MNS1: variants seen among roughly 807,000 people sequenced by gnomAD.
The protein encoded by MNS1 is meiosis specific nuclear structural 1.
In MNS1, 63 loss-of-function variants were observed where a neutral mutation model predicts 72.0. The observed-to-expected ratio is 0.87, with a 90% confidence interval of 0.71 to 1.08. MNS1 has a LOEUF of 1.08. Among genes scored for constraint, MNS1 ranks in the 50% least tolerant of loss-of-function variants. The pLI is 0.00. For missense variants in MNS1, 604 were observed against 562.4 expected (o/e 1.07, Z -0.75); for synonymous variants, 188 against 172.1 (o/e 1.09, Z -0.72).
chr15:56,459,990 C>CA (rs150132300), intron 2 of MNS1, among the ~76,000 whole-genome samples: 1,967 of 11,132 alleles, frequency 0.18, 461 homozygotes, highest in East Asian at 0.69. Flanking sequence ...AATTCTGTCT[C>CA]AAAAAAAAAA....
intron 4 of MNS1, 85 bp from the exon 5 acceptor site, chr15:56,444,758 T>G: frequency 8.7e-7 from 1 of 1,151,608 alleles, no homozygotes; most frequent in Non-Finnish European, 1.2e-6. Context: ...TATTGAATAT[T>G]ATAAAGTCTT....
Position 56,438,746 on chromosome 15 carries a change from C to G in MNS1, c.1012-4351G>C, listed in dbSNP as rs140228592. ...GAGAAAATTTTTGCAATCTACCCAT[C>G]TGACCAAGGGGTAATATCCAGAATC... On this transcript the variant is annotated intron_variant, in intron 7 of 9. Transcript: ENST00000260453. Among the ~76,000 whole-genome samples, 191 of 152,320 alleles carry G rather than the reference C, an allele frequency of 1.3e-3. 1 individual carries two copies. The East Asian group carries it at 0.029, about 23-fold the overall frequency.
chr15:56,437,017 C>T (rs1470137050), intron 7 of MNS1, among the ~76,000 whole-genome samples: 1 of 152,110 alleles, frequency 6.6e-6, no homozygotes, highest in African/African-American at 2.4e-5. Context: ...CGAATTCTAC[C>T]AGAGGTACAA....
chr15:56,463,125 A>G (rs1220980271), intron 2 of MNS1, among the ~76,000 whole-genome samples: 3 of 152,144 alleles, frequency 2.0e-5, no homozygotes, highest in African/African-American at 2.4e-5. Flanking sequence ...ATTTATGAGA[A>G]TTCACTTCTA....
At chr15:56,461,226 AAACACCGAG>A (rs1800730924) in intron 2 of MNS1, among the ~76,000 whole-genome samples, 1 of 152,160 alleles carries the variant, frequency 6.6e-6, no homozygotes, top group Non-Finnish European at 1.5e-5. Flanking sequence ...AACCTCACAG[AAACACCGAG>A]AATGATGTTT....
chr15:56,444,380 CAACA>C, intron 5 of MNS1, 60 bp downstream of exon 5: 1 of 1,418,440 alleles, frequency 7.1e-7, no homozygotes. Context: ...CAGTTCCTCA[CAACA>C]AACCTGTGAT....
intron 3 of MNS1, 89 bp downstream of exon 3, chr15:56,456,305 A>C: frequency 8.1e-7 from 1 of 1,234,750 alleles, no homozygotes; most frequent in East Asian, 2.6e-5. Flanking sequence ...AATGACATAA[A>C]CAAAGAAATT....
chr15:56,461,975 G>GTTTTTTTTTTTTTTTTTT (rs56022687), intron 2 of MNS1, among the ~76,000 whole-genome samples: 4 of 97,914 alleles, frequency 4.1e-5, no homozygotes, highest in Non-Finnish European at 8.3e-5. Context: ...TTTTGTTGTT[G>GTTTTTTTTTTTTTTTTTT]TTTTTTTTTT....
At chr15:56,429,386 A>C in intron 9 of MNS1, 193 bp from the exon 10 acceptor site, 1 of 459,180 alleles carries the variant, frequency 2.2e-6, no homozygotes, top group Non-Finnish European at 3.8e-6. Flanking sequence ...ATATTCCTAG[A>C]CTGACCCAAT....
intron 3 of MNS1, among the ~76,000 whole-genome samples, chr15:56,450,182 C>T (rs2050938635): frequency 6.6e-6 from 1 of 152,046 alleles, no homozygotes; most frequent in Admixed American, 6.6e-5. Context: ...TAAGACCTAC[C>T]CTTGAGGAAC....
intron 8 of MNS1, 24 bp from the exon 9 acceptor site, chr15:56,431,522 T>C (rs377589964): frequency 1.2e-6 from 2 of 1,612,848 alleles, no homozygotes; most frequent in East Asian, 4.5e-5. Context: ...TCAAATTTTG[T>C]TATCACAAAG....
Position 56,433,887 on chromosome 15 carries a change from T to C in MNS1, c.1269+251A>G, listed in dbSNP as rs376167196. Among the ~76,000 whole-genome samples, 7 of 152,272 alleles carry C rather than the reference T, an allele frequency of 4.6e-5. No homozygotes were observed. In the East Asian group the frequency reaches 1.3e-3, roughly 29 times the overall value. On this transcript the variant is annotated intron_variant, in intron 8 of 9. Transcript: ENST00000260453. ...TATATATTTTTCTTAACCAAGACCA[T>C]AAATTCATAAGTGACATGGACTTAG...
At chr15:56,436,054 G>A (rs989106812) in intron 7 of MNS1, among the ~76,000 whole-genome samples, 2 of 152,000 alleles carry the variant, frequency 1.3e-5, no homozygotes, top group Non-Finnish European at 2.9e-5. Context: ...GTAGAAAAAA[G>A]TGTTTAACCA....
intron 3 of MNS1, among the ~76,000 whole-genome samples, chr15:56,454,321 C>G (rs1182750120): frequency 6.6e-6 from 1 of 152,010 alleles, no homozygotes; most frequent in South Asian, 2.1e-4. Flanking sequence ...AATGGGGTAT[C>G]CATCCCCTCA....
intron 1 of MNS1, 117 bp downstream of exon 1, chr15:56,464,853 G>A: frequency 1.4e-6 from 2 of 1,425,408 alleles, no homozygotes; most frequent in Non-Finnish European, 1.9e-6. Context: ...GCAAATACAA[G>A]TTCCCCAATT....
At chr15:56,434,884 T>TA (rs1164066235) in intron 7 of MNS1, among the ~76,000 whole-genome samples, 10 of 152,120 alleles carry the variant, frequency 6.6e-5, no homozygotes, top group Non-Finnish European at 1.2e-4. Context: ...CTCTAAAATT[T>TA]AAAAACAATT....
chr15:56,438,254 C>G (rs149031287), intron 7 of MNS1, among the ~76,000 whole-genome samples: 4,675 of 152,042 alleles, frequency 0.031, 267 homozygotes, highest in African/African-American at 0.11. Flanking sequence ...CATGGTACTG[C>G]TACCAAAACA....
Position 56,451,858 on chromosome 15 carries a change from A to G in MNS1, c.353+4536T>C, listed in dbSNP as rs115358838. Among the ~76,000 whole-genome samples the G allele has an allele frequency of 3.4e-3, 517 of 152,312 alleles. 5 individuals carry two copies. The highest frequency in any genetic ancestry group is 0.011 in the African/African-American group (468 of 41,574). ...TGTGAAGCACATTTTTAAATACCTA[A>G]GCATATAAAGATTGCCTAGATTTTT... On this transcript the variant is annotated intron_variant, in intron 3 of 9. Coordinates refer to ENST00000260453, the MANE Select transcript of MNS1 (RefSeq NM_018365.4).
In MNS1 at chr15:56,443,817, G is replaced by T. The variant is rs185005213; in HGVS notation, c.724C>A (p.Arg242=). 7 of 1,605,336 alleles carry T rather than the reference G, an allele frequency of 4.4e-6. No individual in the cohort carries two copies. The highest frequency in any genetic ancestry group is 2.2e-5 in the East Asian group (1 of 44,734). ...QQKLEKMNAM[R]RYIEEFQKEQ... ...TTCTGAAACTCTTCTATATACCTTC[G>T]CATTGCATTCATTTTTTCTAACTTT... The change falls in exon 6 of 10, where the codon CGA becomes AGA. Residue 242 remains arginine, a synonymous_variant. Transcript: ENST00000260453.
Sources: allele counts gnomAD v4.1 joint callset (sites outside exome capture counted in the v4.1 genomes callset), GRCh38; gene constraint gnomAD v4.1.1; transcripts MANE v1.5; gene names NCBI Gene and HGNC (gene_info 2026-07-23, HGNC 2026-07-21).